COL4A4: variants seen among roughly 807,000 people sequenced by gnomAD.
COL4A4 encodes the protein collagen type IV alpha 4 chain.
COL4A4 carries 105 observed loss-of-function variants against 192.9 expected under a neutral mutation model. That is an observed-to-expected ratio of 0.54 (90% CI 0.46 to 0.64). The LOEUF (loss-of-function observed/expected upper bound fraction) is 0.64. COL4A4 is among the 30% of genes least tolerant of loss of function. COL4A4 has a pLI of 0.00. For synonymous variants in COL4A4, 762 were observed against 769.9 expected (o/e 0.99, Z 0.17); for missense variants, 1,967 against 2,169.3 (o/e 0.91, Z 1.85).
intron 11 of COL4A4, 105 bp from the exon 12 acceptor site, chr2:227,108,727 C>T (rs1172352235): frequency 1.3e-6 from 2 of 1,524,076 alleles, no homozygotes; most frequent in Non-Finnish European, 1.8e-6. Flanking sequence ...TCATGGAATA[C>T]TTTGGGAAGT....
At chr2:227,022,637 C>T in intron 43 of COL4A4, 1 of 485,294 alleles carries the variant, frequency 2.1e-6, no homozygotes, top group South Asian at 1.6e-5. Flanking sequence ...TCCATAGTGT[C>T]AGTCACTAAC....
chr2:227,113,804 C>A (rs1360371255), intron 8 of COL4A4, among the ~76,000 whole-genome samples: 2 of 152,230 alleles, frequency 1.3e-5, no homozygotes, highest in African/African-American at 4.8e-5. Flanking sequence ...TGTGTCCATT[C>A]TGCGTGGCAC....
At chr2:227,104,308 C>T (rs921682755) in intron 12 of COL4A4, among the ~76,000 whole-genome samples, 4 of 151,470 alleles carry the variant, frequency 2.6e-5, no homozygotes, top group Non-Finnish European at 2.9e-5. Context: ...CGGTGGCTCA[C>T]GCCTGTAATC....
downstream of COL4A4, among the ~76,000 whole-genome samples, chr2:227,000,797 C>T (rs1960739648): frequency 6.6e-6 from 1 of 151,762 alleles, no homozygotes; most frequent in Non-Finnish European, 1.5e-5. Flanking sequence ...TGGGAGGTCT[C>T]ATGGAATCAT....
At chr2:226,990,383 G>C in the COL4A4 span, among the ~76,000 whole-genome samples, 56 of 152,274 alleles carry the variant, frequency 3.7e-4, no homozygotes, top group African/African-American at 1.3e-3. Flanking sequence ...GATTTATTTA[G>C]AGGTTTCCTG....
At chr2:227,158,955 T>C (rs1206255920) in intron 1 of COL4A4, among the ~76,000 whole-genome samples, 1 of 152,176 alleles carries the variant, frequency 6.6e-6, no homozygotes, top group Non-Finnish European at 1.5e-5. Flanking sequence ...ATTTCATTCC[T>C]AGGTATTTAC....
At chr2:227,029,295 C>T (rs1198224276) in intron 41 of COL4A4, among the ~76,000 whole-genome samples, 1 of 152,194 alleles carries the variant, frequency 6.6e-6, no homozygotes, top group African/African-American at 2.4e-5. Context: ...TAGCCAGCCC[C>T]TTCCTCCTTC....
intron 24 of COL4A4, among the ~76,000 whole-genome samples, chr2:227,080,116 A>G (rs1242550369): frequency 6.6e-6 from 1 of 152,190 alleles, no homozygotes; most frequent in African/African-American, 2.4e-5. Flanking sequence ...CACCCCACAG[A>G]GTCAACTGAA....
At chr2:227,100,682 T>C (rs2060459221) in intron 17 of COL4A4, among the ~76,000 whole-genome samples, 1 of 152,154 alleles carries the variant, frequency 6.6e-6, no homozygotes, top group Non-Finnish European at 1.5e-5. Context: ...GGACAACTGA[T>C]ATGGTTTGGC....
chr2:227,106,481 C>A (rs1157855638), intron 12 of COL4A4, among the ~76,000 whole-genome samples: 5 of 152,180 alleles, frequency 3.3e-5, no homozygotes, highest in Admixed American at 6.5e-5. Context: ...AAATAGCAAC[C>A]ATTTAGGGCA....
the COL4A4 span, among the ~76,000 whole-genome samples, chr2:226,973,229 AATTTGT>A: frequency 6.6e-5 from 10 of 152,240 alleles, no homozygotes; most frequent in Non-Finnish European, 1.5e-4. Context: ...CAAACCATTT[AATTTGT>A]AGCAGGAATC....
chr2:226,994,549 T>C, the COL4A4 span, among the ~76,000 whole-genome samples: 2 of 152,168 alleles, frequency 1.3e-5, no homozygotes, highest in Non-Finnish European at 1.5e-5. Context: ...AGCAGAGCTA[T>C]AGTAGTGAAA....
chr2:227,013,758 G>C lies in COL4A4; in HGVS notation c.4217-1461C>G, dbSNP rs1341486967. Among the ~76,000 whole-genome samples the C allele has an allele frequency of 2.0e-5, 3 of 152,286 alleles. No individual in the cohort carries two copies. In the East Asian group the frequency reaches 5.8e-4, roughly 29 times the overall value. The stretch of plus-strand genomic sequence containing the variant: ...TAAAATCAAACATTAAATCAAAGGG[G>C]CTTGCTTAAGTGGCTTTCACTGTTG... On this transcript the variant is annotated intron_variant, in intron 44 of 47. Transcript: ENST00000396625.
chr2:227,140,240 T>C lies in COL4A4; in HGVS notation c.115-2A>G, dbSNP rs979673969. 4 of 1,613,820 alleles carry C rather than the reference T, an allele frequency of 2.5e-6. No individual in the cohort carries two copies. Among genetic ancestry groups the C allele is most frequent in the Non-Finnish European group, 3.4e-6 (4 of 1,179,710 alleles). On this transcript the variant is annotated splice_acceptor_variant, in intron 3 of 47. Coordinates refer to ENST00000396625, the MANE Select transcript of COL4A4 (RefSeq NM_000092.5). LOFTEE classifies it high-confidence loss of function. ...AGGACCAATGTATTTCTTTCCACTC[T>C]GGAAAGTGAAGCATCTTATTTAGTA... is the stretch of plus-strand genomic sequence containing the variant.
At position 227,006,787 on chromosome 2, in the gene COL4A4, C is replaced by A. The variant is rs542697318; in HGVS notation, c.*538G>T. 1 of 153,534 alleles carries A rather than the reference C, an allele frequency of 6.5e-6. No homozygotes were observed. The highest frequency in any genetic ancestry group is 2.4e-5 in the African/African-American group (1 of 41,360). The allele number at this position is 153,534 out of a possible 1,614,324, so 9.5% of individuals were successfully genotyped here. The stretch of plus-strand genomic sequence containing the variant: ...TTTTTTTTCTTCTTTAAAAAAAAAT[C>A]TCTCTTTGCGTCATGGTTTTACCAT... On this transcript the variant is annotated 3_prime_UTR_variant, in exon 48 of 48. Coordinates refer to ENST00000396625, the MANE Select transcript of COL4A4 (RefSeq NM_000092.5).
intron 26 of COL4A4, among the ~76,000 whole-genome samples, chr2:227,060,868 C>A (rs1976811484): frequency 6.6e-6 from 1 of 151,956 alleles, no homozygotes; most frequent in Non-Finnish European, 1.5e-5. Context: ...GCTGGGATTG[C>A]AGGCGCCCGC....
chr2:227,114,534 C>T (rs1353862616), intron 8 of COL4A4, 94 bp downstream of exon 8: 3 of 991,528 alleles, frequency 3.0e-6, no homozygotes, highest in Non-Finnish European at 4.9e-6. Context: ...TATTCAGGGA[C>T]ATTTTGAAGA....
At chr2:226,979,380 T>G in the COL4A4 span, among the ~76,000 whole-genome samples, 1 of 152,182 alleles carries the variant, frequency 6.6e-6, no homozygotes, top group Admixed American at 6.5e-5. Context: ...AGATGGTTCC[T>G]GTTAACAGGC....
chr2:226,988,246 G>A, the COL4A4 span: 1 of 1,247,516 alleles, frequency 8.0e-7, no homozygotes, highest in Middle Eastern at 2.0e-4. Flanking sequence ...GTTGGGAGTA[G>A]GACTCATATC....
Sources: allele counts gnomAD v4.1 joint callset (sites outside exome capture counted in the v4.1 genomes callset), GRCh38; gene constraint gnomAD v4.1.1; transcripts MANE v1.5; gene names NCBI Gene and HGNC (gene_info 2026-07-23, HGNC 2026-07-21).